Variants in TBC1D21 observed in about 807,000 individuals in gnomAD.
TBC1D21 encodes the protein TBC1 domain family member 21, also known as male germ cell Rab GTPase-activating protein.
Under a neutral mutation model 46.0 loss-of-function variants are expected in TBC1D21, and 38 were observed. The observed-to-expected ratio is 0.83, with a 90% CI of 0.64 to 1.08. The LOEUF is 1.08. Ranked by LOEUF, TBC1D21 falls within the 50% of genes least tolerant of loss-of-function variation. The pLI is 0.00. For missense variants in TBC1D21, 415 were observed against 417.9 expected (o/e 0.99, Z 0.06); for synonymous variants, 151 against 157.2 (o/e 0.96, Z 0.29).
chr15:73,907,746 A>G, the TBC1D21 span, among the ~76,000 whole-genome samples: 2 of 152,228 alleles, frequency 1.3e-5, no homozygotes, highest in African/African-American at 4.8e-5. Context: ...CTTTTAAGAA[A>G]GATTTTTTTC....
intron 1 of TBC1D21, among the ~76,000 whole-genome samples, chr15:73,876,225 T>TTTTTTTTTTTTTGTTTG (rs2068063412): frequency 1.7e-5 from 1 of 59,008 alleles, no homozygotes; most frequent in Non-Finnish European, 3.1e-5. Context: ...TTTTTTTTTT[T>TTTTTTTTTTTTTGTTTG]TTTTTTTTTT....
At chr15:73,896,404 G>A in the TBC1D21 span, among the ~76,000 whole-genome samples, 3 of 152,208 alleles carry the variant, frequency 2.0e-5, no homozygotes, top group Non-Finnish European at 4.4e-5. Flanking sequence ...GAAGATCAAG[G>A]TGGCGGCTCA....
the TBC1D21 span, among the ~76,000 whole-genome samples, chr15:73,898,863 C>CAAAAAA: frequency 5.6e-3 from 134 of 24,104 alleles, 11 homozygotes; most frequent in Non-Finnish European, 6.8e-3. Context: ...GACTCCATCT[C>CAAAAAA]AAAAAAAAAA....
intron 1 of TBC1D21, among the ~76,000 whole-genome samples, chr15:73,877,514 TAAAAAAAAAAAAAAAAAAAA>T (rs541803630): frequency 1.1e-4 from 8 of 72,698 alleles, no homozygotes; most frequent in Admixed American, 5.2e-4. Flanking sequence ...TCCAGAAAAC[TAAAAAAAAAAAAAAAAAAAA>T]AAAAAAAAAA....
At chr15:73,873,797 C>T in intron 1 of TBC1D21, 28 bp downstream of exon 1, 1 of 1,603,564 alleles carries the variant, frequency 6.2e-7, no homozygotes, top group Non-Finnish European at 8.5e-7. Flanking sequence ...GCTCTGAGTG[C>T]CTCCCTCCCC....
chr15:73,897,774 T>C, the TBC1D21 span, among the ~76,000 whole-genome samples: 1 of 152,214 alleles, frequency 6.6e-6, no homozygotes, highest in Admixed American at 6.5e-5. Flanking sequence ...GAGAACTCTG[T>C]TGTTCATGGC....
At chr15:73,907,939 A>T in the TBC1D21 span, 1 of 152,224 alleles carries the variant, frequency 6.6e-6, no homozygotes, top group Non-Finnish European at 1.5e-5. Flanking sequence ...GGCCTGTAAC[A>T]GTGGGAGGGC....
At chr15:73,887,074 G>T (rs2068261854) in intron 8 of TBC1D21, among the ~76,000 whole-genome samples, 1 of 152,118 alleles carries the variant, frequency 6.6e-6, no homozygotes, top group South Asian at 2.1e-4. Flanking sequence ...ATCAGCAGAT[G>T]AACCCTCTGA....
intron 3 of TBC1D21, 63 bp downstream of exon 3, chr15:73,881,810 C>A (rs2068161104): frequency 7.0e-7 from 1 of 1,428,624 alleles, no homozygotes; most frequent in Non-Finnish European, 9.8e-7. Flanking sequence ...TGCTGCCTCC[C>A]CAGCCTGCAG....
At position 73,888,421 on chromosome 15, in the gene TBC1D21, C is replaced by G. The variant is rs770399577; in HGVS notation, c.895-9C>G. On this transcript the variant is annotated splice_polypyrimidine_tract_variant and intron_variant, in intron 9 of 10. Transcript: ENST00000300504. The stretch of plus-strand genomic sequence containing the variant: ...CCCCACCCACAACTGCTCCCACACT[C>G]CCATGCAGGCCTGCAACAACCTCAT... 6.2e-7 allele frequency: 1 copy of G among 1,612,820 alleles called. No individual in the cohort carries two copies. The highest frequency in any genetic ancestry group is 1.7e-5 in the Admixed American group (1 of 59,910).
intron 6 of TBC1D21, among the ~76,000 whole-genome samples, 199 bp downstream of exon 6, chr15:73,885,302 G>T (rs1481118326): frequency 6.6e-6 from 1 of 152,172 alleles, no homozygotes; most frequent in Non-Finnish European, 1.5e-5. Context: ...TGGAGAAGGG[G>T]GATGGAGCAA....
chr15:73,903,477 C>T, the TBC1D21 span, among the ~76,000 whole-genome samples: 3 of 152,194 alleles, frequency 2.0e-5, no homozygotes, highest in East Asian at 1.9e-4. Context: ...ACAGCAGTAG[C>T]TGCTGGGTAA....
At chr15:73,879,371 G>C (rs2068114413) in intron 1 of TBC1D21, among the ~76,000 whole-genome samples, 1 of 152,020 alleles carries the variant, frequency 6.6e-6, no homozygotes, top group Admixed American at 6.6e-5. Flanking sequence ...ACCACACCCA[G>C]CTAATTTTTG....
At chr15:73,875,706 T>C (rs1428598342) in intron 1 of TBC1D21, among the ~76,000 whole-genome samples, 1 of 152,178 alleles carries the variant, frequency 6.6e-6, no homozygotes, top group Non-Finnish European at 1.5e-5. Context: ...TTTCCATAGC[T>C]GCTCTATCTA....
Position 73,886,629 on chromosome 15 carries a change from G to A in TBC1D21, c.777+17G>A. On this transcript the variant is annotated intron_variant, in intron 8 of 10. Transcript: ENST00000300504. ...CTCTGGGAGGTGAGGTGTCCAGCTAGGGATCATCAGGCTGGGCTCCACCCA... is the reference window on the plus strand; with the variant it reads ...CTCTGGGAGGTGAGGTGTCCAGCTAAGGATCATCAGGCTGGGCTCCACCCA... 6.8e-6 allele frequency: 11 copies of A among 1,608,778 alleles called. No homozygotes were observed. The highest frequency in any genetic ancestry group is 9.4e-6 in the Non-Finnish European group (11 of 1,176,196).
chr15:73,881,862 C>A lies in TBC1D21; in HGVS notation c.272+115C>A. The A allele has an allele frequency of 5.5e-6, 5 of 907,208 alleles. No homozygotes were observed. The South Asian group carries it at 7.4e-5, about 13-fold the overall frequency. 56.2% of individuals were successfully genotyped at this position (907,208 alleles called of 1,614,324 possible). On this transcript the variant is annotated intron_variant, in intron 3 of 10. Coordinates refer to ENST00000300504, the MANE Select transcript of TBC1D21 (RefSeq NM_153356.3). ...ATGCAACTTCTTATTCCGAGAGGAACCCCATGCCTCCTGACCCAGGCACAG... is the reference window on the plus strand; with the variant it reads ...ATGCAACTTCTTATTCCGAGAGGAAACCCATGCCTCCTGACCCAGGCACAG...
chr15:73,875,310 A>G, intron 1 of TBC1D21, among the ~76,000 whole-genome samples: 1 of 103,872 alleles, frequency 9.6e-6, no homozygotes. Flanking sequence ...GGAGGGAAGA[A>G]GGGAAGGAAG....
rs1379330355 is a variant in TBC1D21, at chr15:73,887,671, A to G, written c.829A>G (p.Ser277Gly). 3.7e-6 allele frequency: 6 copies of G among 1,613,962 alleles called. No individual in the cohort carries two copies. In the East Asian group the frequency reaches 6.7e-5, roughly 18 times the overall value. ...GAACTTCCAGGTGCTGGTGGCCTAC[A>G]GCATGCTGCAGATGGTGCGGGAGCA... ...CRNFQVLVAY[S>G]MLQMVREQVL... The change falls in exon 9 of 11, where the codon AGC (serine) becomes GGC (glycine). Residue 277 changes from serine (S) to glycine (G), a missense_variant. Transcript: ENST00000300504.
At chr15:73,900,234 T>C in the TBC1D21 span, among the ~76,000 whole-genome samples, 1 of 152,084 alleles carries the variant, frequency 6.6e-6, no homozygotes, top group African/African-American at 2.4e-5. Flanking sequence ...TTTGTGAGAA[T>C]GAAACAAGAC....
Sources: allele counts gnomAD v4.1 joint callset (sites outside exome capture counted in the v4.1 genomes callset), GRCh38; gene constraint gnomAD v4.1.1; transcripts MANE v1.5; gene names NCBI Gene and HGNC (gene_info 2026-07-23, HGNC 2026-07-21).